Variants in ADGRL4 observed in about 807,000 individuals in gnomAD.
ADGRL4 encodes EGF, latrophilin and seven transmembrane domain containing 1.
ADGRL4 carries 90 observed loss-of-function variants against 74.8 expected under a neutral mutation model. That is an observed-to-expected ratio of 1.20 (90% CI 1.02 to 1.43). The LOEUF (loss-of-function observed/expected upper bound fraction) is 1.43. ADGRL4 is among the 40% of genes most tolerant of loss of function. The pLI is 0.00. For missense variants in ADGRL4, 881 were observed against 814.3 expected (o/e 1.08, Z -1.00); for synonymous variants, 311 against 279.2 (o/e 1.11, Z -1.14).
At chr1:78,964,027 T>C (rs1388403120) in intron 2 of ADGRL4, among the ~76,000 whole-genome samples, 1 of 152,206 alleles carries the variant, frequency 6.6e-6, no homozygotes, top group African/African-American at 2.4e-5. Context: ...TTAGGTCCGC[T>C]GAACTGTGTG....
rs1423808915 is a variant in ADGRL4, at chr1:78,941,861, A to G, written c.326-2603T>C. ...GAAGATCTAAATTCAAATCCTGACT[A>G]TAACACTTATGAGCTGTGTGATAAC... On this transcript the variant is annotated intron_variant, in intron 3 of 14. Coordinates refer to ENST00000370742, the MANE Select transcript of ADGRL4 (RefSeq NM_022159.4). Among the ~76,000 whole-genome samples the G allele has an allele frequency of 2.6e-5, 4 of 152,178 alleles. No homozygotes were observed. The South Asian group carries it at 6.2e-4, about 24-fold the overall frequency.
chr1:78,901,709 A>G (rs1648524508), intron 12 of ADGRL4, among the ~76,000 whole-genome samples: 1 of 152,166 alleles, frequency 6.6e-6, no homozygotes, highest in Non-Finnish European at 1.5e-5. Context: ...GTGTTTGGTC[A>G]CCTATTGTCA....
chr1:78,899,160 C>A (rs1193778059), intron 12 of ADGRL4, among the ~76,000 whole-genome samples: 5 of 152,146 alleles, frequency 3.3e-5, no homozygotes, highest in African/African-American at 9.7e-5. Flanking sequence ...GAATCTGGTT[C>A]ATTTAAGGAT....
At chr1:78,999,217 T>A (rs994195725) in intron 2 of ADGRL4, among the ~76,000 whole-genome samples, 1 of 152,084 alleles carries the variant, frequency 6.6e-6, no homozygotes, top group African/African-American at 2.4e-5. Flanking sequence ...TTTTGCAAAA[T>A]AAGGTTTGCA....
At chr1:78,923,984 T>C (rs1181185600) in intron 8 of ADGRL4, among the ~76,000 whole-genome samples, 3 of 151,780 alleles carry the variant, frequency 2.0e-5, no homozygotes, top group East Asian at 3.9e-4. Flanking sequence ...ACAAAATGTT[T>C]ACTGCAATTA....
At chr1:78,902,261 C>A (rs977619988) in intron 12 of ADGRL4, among the ~76,000 whole-genome samples, 1 of 152,090 alleles carries the variant, frequency 6.6e-6, no homozygotes, top group Admixed American at 6.6e-5. Context: ...CTCCACATCC[C>A]CCAAAATTAA....
At chr1:78,944,729 TC>T (rs1557507451) in intron 3 of ADGRL4, among the ~76,000 whole-genome samples, 1 of 152,158 alleles carries the variant, frequency 6.6e-6, no homozygotes, top group East Asian at 1.9e-4. Context: ...CTTACCTTTA[TC>T]CAAAATGTAT....
chr1:78,920,001 T>G (rs1037359782), intron 10 of ADGRL4, among the ~76,000 whole-genome samples, 182 bp downstream of exon 10: 1 of 151,972 alleles, frequency 6.6e-6, no homozygotes, highest in Non-Finnish European at 1.5e-5. Flanking sequence ...CTGAATGGAC[T>G]TGATAAGTAG....
chr1:78,958,731 A>C (rs188971904), intron 2 of ADGRL4, among the ~76,000 whole-genome samples: 4 of 152,352 alleles, frequency 2.6e-5, no homozygotes, highest in Admixed American at 2.6e-4. Flanking sequence ...TCATAAACTT[A>C]GTTGATAAAG....
At chr1:78,891,350 A>G (rs766724256) in intron 14 of ADGRL4, 134 bp from the exon 15 acceptor site, 218 of 1,232,656 alleles carry the variant, frequency 1.8e-4, no homozygotes, top group Non-Finnish European at 2.3e-4. Flanking sequence ...TTTAAGTTAT[A>G]TTTATATCCC....
chr1:78,906,156 A>G (rs1648629917), intron 12 of ADGRL4, among the ~76,000 whole-genome samples: 1 of 152,016 alleles, frequency 6.6e-6, no homozygotes, highest in African/African-American at 2.4e-5. Flanking sequence ...GTAGGCCACA[A>G]CTAAATTCTT....
chr1:78,964,172 C>T (rs1328026956), intron 2 of ADGRL4, among the ~76,000 whole-genome samples: 1 of 152,134 alleles, frequency 6.6e-6, no homozygotes, highest in Non-Finnish European at 1.5e-5. Flanking sequence ...GCAAAGGAGA[C>T]TGATTCAAAA....
rs1241930007 is a variant in ADGRL4 at position 78,938,234 on chromosome 1, T to C, written c.442A>G (p.Arg148Gly). 1.2e-6 allele frequency: 2 copies of C among 1,609,356 alleles called. No individual in the cohort carries two copies. Among genetic ancestry groups the C allele is most frequent in the South Asian group, 1.1e-5 (1 of 89,292 alleles). Residue 148 changes from arginine (R) to glycine (G), a missense_variant, in exon 5 of 15, where the codon AGA becomes GGA. Arg to Gly is a moderately radical substitution (Grantham distance 125, BLOSUM62 -2). Coordinates refer to ENST00000370742, the MANE Select transcript of ADGRL4 (RefSeq NM_022159.4). ...EPVALLQEVY[R>G]NSVTDLSPTD... is the part of the protein sequence containing the mutation. ...GGTGAAAGATCTGTCACAGAATTTC[T>C]ATAGACTTCTTGTAGCAAAGCCACA...
intron 2 of ADGRL4, among the ~76,000 whole-genome samples, chr1:78,983,771 A>G (rs1650441512): frequency 6.6e-6 from 1 of 151,880 alleles, no homozygotes; most frequent in South Asian, 2.1e-4. Flanking sequence ...TGGAAACATC[A>G]CAGTGAAATT....
intron 3 of ADGRL4, among the ~76,000 whole-genome samples, chr1:78,942,262 G>A (rs962422974): frequency 9.2e-5 from 14 of 151,378 alleles, no homozygotes; most frequent in Non-Finnish European, 2.1e-4. Flanking sequence ...TGGGAAGGTG[G>A]AATAGTGCCT....
chr1:78,922,931 C>T (rs1649031852), intron 8 of ADGRL4, among the ~76,000 whole-genome samples: 1 of 151,808 alleles, frequency 6.6e-6, no homozygotes, highest in Non-Finnish European at 1.5e-5. Flanking sequence ...ATGATAGAAA[C>T]TCAGATGATT....
At chr1:78,966,858 TC>T (rs1234963863) in intron 2 of ADGRL4, among the ~76,000 whole-genome samples, 1 of 149,980 alleles carries the variant, frequency 6.7e-6, no homozygotes, top group Non-Finnish European at 1.5e-5. Flanking sequence ...AGTTTTTTTT[TC>T]TTTTTCTTTC....
At chr1:78,897,133 A>G (rs894898132) in intron 12 of ADGRL4, among the ~76,000 whole-genome samples, 6 of 152,140 alleles carry the variant, frequency 3.9e-5, no homozygotes, top group African/African-American at 1.4e-4. Context: ...GTTTTGTACA[A>G]TGCAAACTTT....
chr1:78,942,749 C>A (rs1649514090), intron 3 of ADGRL4, among the ~76,000 whole-genome samples: 1 of 151,946 alleles, frequency 6.6e-6, no homozygotes, highest in Admixed American at 6.6e-5. Flanking sequence ...AGCAACATAG[C>A]AAGAACCTGT....
Sources: gnomAD v4.1 joint callset for allele counts (sites outside exome capture counted in the v4.1 genomes callset) on GRCh38, gnomAD v4.1.1 for gene constraint, MANE v1.5 for transcripts, NCBI Gene and HGNC (gene_info 2026-07-23, HGNC 2026-07-21) for gene names.